Variants in KCNIP4 observed in about 807,000 individuals in gnomAD.
KCNIP4 encodes potassium voltage-gated channel interacting protein 4.
A neutral mutation model predicts 34.0 loss-of-function variants in KCNIP4; 12 were observed. The ratio of observed to expected loss-of-function variants is 0.35; its 90% CI spans 0.23 to 0.57. KCNIP4 has a LOEUF of 0.57. Ranked by LOEUF, KCNIP4 falls within the 20% of genes least tolerant of loss-of-function variation. The pLI is 0.83. For missense variants in KCNIP4, 238 were observed against 311.7 expected (o/e 0.76, Z 1.78); for synonymous variants, 124 against 102.2 (o/e 1.21, Z -1.29).
chr4:21,258,133 G>A (rs1761202680), intron 1 of KCNIP4, among the ~76,000 whole-genome samples: 1 of 152,070 alleles, frequency 6.6e-6, no homozygotes, highest in Non-Finnish European at 1.5e-5. Flanking sequence ...TAGCTTCTGA[G>A]AGCTATGAAA....
chr4:20,852,736 T>C (rs950839078), intron 2 of KCNIP4, among the ~76,000 whole-genome samples: 2 of 152,080 alleles, frequency 1.3e-5, no homozygotes, highest in Admixed American at 6.6e-5. Flanking sequence ...CCTAAGGACT[T>C]CTCCAGAAAG....
chr4:21,615,259 G>A (rs924072459), intron 1 of KCNIP4, among the ~76,000 whole-genome samples: 4 of 151,944 alleles, frequency 2.6e-5, no homozygotes, highest in African/African-American at 9.7e-5. Context: ...CATCATATAG[G>A]GCCGGGCGCG....
At chr4:21,722,958 G>A (rs1714927490) in intron 1 of KCNIP4, among the ~76,000 whole-genome samples, 1 of 152,132 alleles carries the variant, frequency 6.6e-6, no homozygotes, top group African/African-American at 2.4e-5. Context: ...GGTAAGGAAA[G>A]TGAGGTCTTC....
chr4:21,057,291 T>A (rs1743494460), intron 1 of KCNIP4, among the ~76,000 whole-genome samples: 1 of 152,184 alleles, frequency 6.6e-6, no homozygotes, highest in Non-Finnish European at 1.5e-5. Context: ...CCATGTAAAC[T>A]TTTTTCAATT....
chr4:21,824,913 G>A (rs758041523), intron 1 of KCNIP4, among the ~76,000 whole-genome samples: 1 of 152,058 alleles, frequency 6.6e-6, no homozygotes, highest in Non-Finnish European at 1.5e-5. Flanking sequence ...TGCTAGTGAG[G>A]CCCAGAGACC....
chr4:21,729,730 CTAAGT>C (rs1177049175), intron 1 of KCNIP4: 1 of 151,456 alleles, frequency 6.6e-6, no homozygotes, highest in Non-Finnish European at 1.5e-5. Context: ...AATCAAGAAA[CTAAGT>C]TGACAGTTTT....
chr4:21,888,417 C>T (rs528060908), intron 1 of KCNIP4, among the ~76,000 whole-genome samples: 12 of 152,078 alleles, frequency 7.9e-5, no homozygotes, highest in South Asian at 4.2e-4. Context: ...TAGACTCATA[C>T]GATTCAGATG....
At chr4:21,708,075 C>T (rs948142148) in intron 1 of KCNIP4, among the ~76,000 whole-genome samples, 2 of 152,068 alleles carry the variant, frequency 1.3e-5, no homozygotes, top group African/African-American at 2.4e-5. Flanking sequence ...TCTAATTTCA[C>T]ACTGGAACAT....
chr4:21,206,390 A>G (rs1454793955), intron 1 of KCNIP4, among the ~76,000 whole-genome samples: 2 of 152,198 alleles, frequency 1.3e-5, no homozygotes, highest in Non-Finnish European at 2.9e-5. Flanking sequence ...CTTATCTCTG[A>G]GACACTTTTG....
chr4:21,700,225 T>G (rs1024021388), intron 1 of KCNIP4, among the ~76,000 whole-genome samples: 8 of 152,224 alleles, frequency 5.3e-5, no homozygotes, highest in Non-Finnish European at 1.0e-4. Context: ...AGGTTCCCTT[T>G]TCTCTGCACC....
At chr4:21,269,541 G>A (rs1415442702) in intron 1 of KCNIP4, among the ~76,000 whole-genome samples, 8 of 152,044 alleles carry the variant, frequency 5.3e-5, no homozygotes, top group Non-Finnish European at 1.2e-4. Flanking sequence ...AAGTAGCTGG[G>A]CCTACAGGTG....
At chr4:21,897,424 G>T (rs532623731) in intron 1 of KCNIP4, among the ~76,000 whole-genome samples, 2 of 151,936 alleles carry the variant, frequency 1.3e-5, no homozygotes, top group African/African-American at 4.8e-5. Flanking sequence ...TCTTGCCCTT[G>T]CTGTAAAAAT....
intron 1 of KCNIP4, among the ~76,000 whole-genome samples, chr4:21,025,931 T>A (rs1442723569): frequency 6.6e-6 from 1 of 152,162 alleles, no homozygotes; most frequent in Admixed American, 6.5e-5. Context: ...AGGCCTAGAT[T>A]AGGCTTCAGT....
rs114806370 is a variant in KCNIP4, at chr4:21,122,660, C to A, written c.62-239951G>T. On this transcript the variant is annotated intron_variant, in intron 1 of 8. Coordinates refer to ENST00000382152, the MANE Select transcript of KCNIP4 (RefSeq NM_025221.6). The stretch of plus-strand genomic sequence containing the variant: ...TCCTACCCCTGCATCCAACAATAAA[C>A]CTGGTATTCAAACAAAGCAGATGTC... Among the ~76,000 whole-genome samples, 1,236 of 152,140 alleles carry A rather than the reference C, an allele frequency of 8.1e-3. 8 individuals are homozygous for A. Among genetic ancestry groups the A allele is most frequent in the Non-Finnish European group, 0.013 (871 of 68,008 alleles).
intron 1 of KCNIP4, among the ~76,000 whole-genome samples, chr4:21,755,651 T>C (rs1717456885): frequency 6.6e-6 from 1 of 152,152 alleles, no homozygotes; most frequent in Non-Finnish European, 1.5e-5. Context: ...ACATAACTAA[T>C]GGACTTCCCA....
intron 1 of KCNIP4, among the ~76,000 whole-genome samples, chr4:21,672,760 G>A (rs888265415): frequency 6.6e-6 from 1 of 152,182 alleles, no homozygotes; most frequent in Non-Finnish European, 1.5e-5. Flanking sequence ...CAGTTCTTGT[G>A]GGTCAGGACT....
At chr4:21,879,098 C>T (rs1436489221) in intron 1 of KCNIP4, among the ~76,000 whole-genome samples, 1 of 152,086 alleles carries the variant, frequency 6.6e-6, no homozygotes, top group Non-Finnish European at 1.5e-5. Flanking sequence ...TGATTATAGA[C>T]AGTAGCTTTT....
intron 1 of KCNIP4, among the ~76,000 whole-genome samples, chr4:21,415,946 C>G (rs1724920862): frequency 6.6e-6 from 1 of 152,124 alleles, no homozygotes; most frequent in African/African-American, 2.4e-5. Context: ...CAGTAAACCA[C>G]TGAACTCTTC....
intron 1 of KCNIP4, among the ~76,000 whole-genome samples, chr4:21,679,383 G>C (rs1750163943): frequency 6.6e-6 from 1 of 152,178 alleles, no homozygotes; most frequent in Admixed American, 6.5e-5. Context: ...TTGCAGAAGA[G>C]GACCTAGCAA....
Sources: allele counts gnomAD v4.1 joint callset (sites outside exome capture counted in the v4.1 genomes callset), GRCh38; gene constraint gnomAD v4.1.1; transcripts MANE v1.5; gene names NCBI Gene and HGNC (gene_info 2026-07-23, HGNC 2026-07-21).